The following CCNT1 variants were observed in gnomAD, a reference collection of about 807,000 sequenced individuals.
CCNT1 encodes cyclin T1, also known as cyclin-T1.
In CCNT1, 18 loss-of-function variants were observed where a neutral mutation model predicts 67.3. The observed-to-expected ratio is 0.27, with a 90% CI of 0.18 to 0.40. The LOEUF (loss-of-function observed/expected upper bound fraction) is 0.40. Among genes scored for constraint, CCNT1 ranks in the 10% least tolerant of loss-of-function variants. CCNT1 has a pLI of 1.00. For synonymous variants in CCNT1, 333 were observed against 310.3 expected (o/e 1.07, Z -0.77); for missense variants, 744 against 884.9 (o/e 0.84, Z 2.02).
chr12:48,698,022 T>C, intron 6 of CCNT1, 116 bp downstream of exon 6: 1 of 590,702 alleles, frequency 1.7e-6, no homozygotes, highest in African/African-American at 1.9e-5. Context: ...AAGTACAACA[T>C]GAAAACTGTG....
At chr12:48,715,085 T>C (rs750559126) in intron 1 of CCNT1, among the ~76,000 whole-genome samples, 7 of 152,216 alleles carry the variant, frequency 4.6e-5, no homozygotes, top group Non-Finnish European at 8.8e-5. Context: ...AGTGCTGGTA[T>C]TACAGGCGCG....
chr12:48,705,859 A>G lies in CCNT1; in HGVS notation c.281T>C (p.Val94Ala). ...APAALFLAAKVEEQPKKLEHV... is the reference protein window; with the variant it reads ...APAALFLAAKAEEQPKKLEHV... ...TTCCAATTTTTTGGGCTGCTCCTCC[A>G]CTTTAGCTGCTAGAAACAAGGCTGC... The change falls in exon 3 of 9, where the codon GTG (valine) becomes GCG (alanine). Residue 94 changes from valine (V) to alanine (A), a missense_variant. By Grantham distance (64) the Val-to-Ala change is moderately conservative. Around this residue, in one of 3 missense-constraint regions of CCNT1, gnomAD observed 142 missense variants for 277.0 expected, o/e 0.51. Transcript: ENST00000261900. The G allele has an allele frequency of 5.6e-6, 9 of 1,613,872 alleles. No homozygotes were observed. The highest frequency in any genetic ancestry group is 7.6e-6 in the Non-Finnish European group (9 of 1,179,908).
Position 48,701,047 on chromosome 12 carries a change from C to A in CCNT1, c.399G>T (p.Leu133=). The stretch of plus-strand genomic sequence containing the variant: ...GCAAAATTATGCTTTCTAAAATGAC[C>A]AGATCTTGAACTTGTTGCAAATAAG... ...SEAYLQQVQD[L]VILESIILQT... The change falls in exon 4 of 9, where the codon CTG becomes CTT. Residue 133 remains leucine (L), a synonymous_variant. Transcript: ENST00000261900. 6.3e-7 allele frequency: 1 copy of A among 1,590,306 alleles called. No individual in the cohort carries two copies.
chr12:48,705,937 T>C (rs7962885), intron 2 of CCNT1, 41 bp from the exon 3 acceptor site: 5 of 1,583,974 alleles, frequency 3.2e-6, no homozygotes, highest in African/African-American at 1.4e-5. Context: ...TATCAATTTA[T>C]TCATTCATAG....
rs141046791 is a variant in CCNT1 at position 48,688,810 on chromosome 12, C to CTTTTTTTTTTTTT, written c.*4222_*4223insAAAAAAAAAAAAA. 6.7e-6 allele frequency: 1 copy of CTTTTTTTTTTTTT among 150,000 alleles called. No individual in the cohort carries two copies. Among genetic ancestry groups the CTTTTTTTTTTTTT allele is most frequent in the Non-Finnish European group, 1.5e-5 (1 of 67,442 alleles). 9.3% of individuals were successfully genotyped at this position (150,000 alleles called of 1,614,324 possible). A position where few individuals can be genotyped will look rare whatever the true frequency, so the allele number is the denominator to read the frequency against. On this transcript the variant is annotated 3_prime_UTR_variant, in exon 9 of 9. Transcript: ENST00000261900. ...AGTGACAGATTGGTAAAGTGTTTTA[C>CTTTTTTTTTTTTT]TTTTTTTTTTCTTTTCGCTCTTTGG...
intron 1 of CCNT1, among the ~76,000 whole-genome samples, chr12:48,714,726 T>C (rs1335926987): frequency 6.6e-6 from 1 of 152,246 alleles, no homozygotes; most frequent in Non-Finnish European, 1.5e-5. Context: ...CACAATGCCT[T>C]ACACATAACA....
Position 48,708,557 on chromosome 12 carries a change from A to G in CCNT1, c.244-2661T>C, listed in dbSNP as rs1002578947. 5.8e-3 allele frequency among the ~76,000 whole-genome samples: 890 copies of G among 152,212 alleles called. 8 individuals are homozygous for G. Among genetic ancestry groups the G allele is most frequent in the African/African-American group, 0.02 (813 of 41,560 alleles). Reference sequence around the variant, plus strand: ...GCGAGACTCTGTCTCAAAAAAAGAAAAAAAAAAAAGTTTAGACACTAGCAG... The same window carrying G: ...GCGAGACTCTGTCTCAAAAAAAGAAGAAAAAAAAAGTTTAGACACTAGCAG... On this transcript the variant is annotated intron_variant, in intron 2 of 8. Coordinates refer to ENST00000261900, the MANE Select transcript of CCNT1 (RefSeq NM_001240.4).
chr12:48,697,828 T>G (rs1940196006), intron 6 of CCNT1: 1 of 91,810 alleles, frequency 1.1e-5, no homozygotes, highest in Non-Finnish European at 2.0e-5. Flanking sequence ...CAAAAAATAA[T>G]AATAATAATT....
At chr12:48,700,937 C>T in intron 4 of CCNT1, 76 bp downstream of exon 4, 3 of 846,134 alleles carry the variant, frequency 3.5e-6, no homozygotes, top group South Asian at 1.7e-5. Context: ...AATATTCTTC[C>T]TATATAGCAA....
chr12:48,700,192 G>A (rs1355050916), intron 4 of CCNT1, among the ~76,000 whole-genome samples: 1 of 151,612 alleles, frequency 6.6e-6, no homozygotes, highest in African/African-American at 2.4e-5. Context: ...GGTGGCGGGC[G>A]CCTGTAGTCC....
At chr12:48,697,522 T>TAAAAAAAAAAAAAAAAAAAAAAA (rs1205232506) in intron 6 of CCNT1, among the ~76,000 whole-genome samples, 1 of 116,826 alleles carries the variant, frequency 8.6e-6, no homozygotes, top group African/African-American at 3.4e-5. Context: ...GACTCTGTCT[T>TAAAAAAAAAAAAAAAAAAAAAAA]AAAAAAAAAA....
intron 1 of CCNT1, among the ~76,000 whole-genome samples, chr12:48,715,102 CG>C (rs1302251425): frequency 6.6e-6 from 1 of 152,212 alleles, no homozygotes; most frequent in African/African-American, 2.4e-5. Context: ...CGCGAGCCAC[CG>C]CGCCTGGCTG....
Position 48,701,008 on chromosome 12 carries a change from C to A in CCNT1, c.433+5G>T. On this transcript the variant is annotated splice_donor_5th_base_variant and intron_variant, in intron 4 of 8. Coordinates refer to ENST00000261900, the MANE Select transcript of CCNT1 (RefSeq NM_001240.4). ...AAAAAATGTTTCAAAGGAAAATAAA[C>A]TTACCTAAAGTCTGCAAAATTATGC... 4 of 1,513,336 alleles carry A rather than the reference C, an allele frequency of 2.6e-6. No homozygotes were observed. The highest frequency in any genetic ancestry group is 3.6e-6 in the Non-Finnish European group (4 of 1,107,986). The allele number at this position is 1,513,336 out of a possible 1,614,324, so 93.7% of individuals were successfully genotyped here. A position where few individuals can be genotyped will look rare whatever the true frequency, so the allele number is the denominator to read the frequency against.
intron 2 of CCNT1, among the ~76,000 whole-genome samples, chr12:48,714,119 G>C (rs1198205143): frequency 3.9e-5 from 6 of 152,084 alleles, no homozygotes. Flanking sequence ...TGTTGCCCAG[G>C]CTGGTTTTGA....
In CCNT1 at chr12:48,704,358, G is replaced by C. The variant is rs58685133; in HGVS notation, c.372+1410C>G. On this transcript the variant is annotated intron_variant, in intron 3 of 8. Transcript: ENST00000261900. ...GCCACCTGAGCACTGCCTCTTGTCT[G>C]ATCAGCAGTGGCATTAGATTCTTAT... 5.8e-3 allele frequency among the ~76,000 whole-genome samples: 887 copies of C among 152,334 alleles called. 7 individuals carry two copies. Among genetic ancestry groups the C allele is most frequent in the African/African-American group, 0.019 (810 of 41,582 alleles).
intron 3 of CCNT1, among the ~76,000 whole-genome samples, chr12:48,704,739 G>C (rs762047418): frequency 2.1e-4 from 32 of 152,160 alleles, no homozygotes; most frequent in Non-Finnish European, 4.1e-4. Context: ...AAACCGGCAG[G>C]TGGAGGTTGC....
At position 48,710,032 on chromosome 12, in the gene CCNT1, C is replaced by T. The variant is rs537775708; in HGVS notation, c.244-4136G>A. On this transcript the variant is annotated intron_variant, in intron 2 of 8. Transcript: ENST00000261900. The stretch of plus-strand genomic sequence containing the variant: ...CCTCCCAAGTGAGTAGCTGGGACTA[C>T]AGGTGCACGCCACCATGCCCGGCTG... 2.6e-5 allele frequency among the ~76,000 whole-genome samples: 4 copies of T among 152,114 alleles called. No individual in the cohort carries two copies. In the East Asian group the frequency reaches 7.7e-4, roughly 29 times the overall value.
intron 8 of CCNT1, among the ~76,000 whole-genome samples, chr12:48,695,207 T>A (rs2137224369): frequency 6.6e-6 from 1 of 152,302 alleles, no homozygotes; most frequent in South Asian, 2.1e-4. Flanking sequence ...TGAAATTAAC[T>A]TTTTCTGTCT....
intron 2 of CCNT1, among the ~76,000 whole-genome samples, chr12:48,709,089 G>T (rs1257076508): frequency 6.6e-6 from 1 of 152,042 alleles, no homozygotes; most frequent in East Asian, 1.9e-4. Context: ...CTTGGGGTTG[G>T]GGGGGACTAT....
Sources: gnomAD v4.1 joint callset for allele counts (sites outside exome capture counted in the v4.1 genomes callset) on GRCh38, gnomAD v4.1.1 for gene constraint, gnomAD v4.1.1 regional missense constraint, MANE v1.5 for transcripts, NCBI Gene and HGNC (gene_info 2026-07-23, HGNC 2026-07-21) for gene names.